The following HEXB variants were observed in gnomAD, a reference collection of about 807,000 sequenced individuals.
HEXB encodes the protein beta-hexosaminidase subunit beta.
HEXB carries 51 observed loss-of-function variants against 71.2 expected under a neutral mutation model. The observed-to-expected ratio is 0.72, with a 90% CI of 0.57 to 0.90. The LOEUF (loss-of-function observed/expected upper bound fraction) is 0.90. Ranked by LOEUF, HEXB falls within the 40% of genes least tolerant of loss-of-function variation. The pLI is 0.00. For missense variants in HEXB, 617 were observed against 677.0 expected (o/e 0.91, Z 0.98); for synonymous variants, 266 against 249.3 (o/e 1.07, Z -0.63).
intron 6 of HEXB, among the ~76,000 whole-genome samples, chr5:74,712,425 TATG>T (rs1221650347): frequency 1.4e-5 from 2 of 140,472 alleles, no homozygotes; most frequent in Non-Finnish European, 3.0e-5. Context: ...AAACTTAAAG[TATG>T]ATAATAATAA....
intron 6 of HEXB, among the ~76,000 whole-genome samples, chr5:74,712,215 G>A (rs946853489): frequency 2.0e-5 from 3 of 149,052 alleles, no homozygotes; most frequent in African/African-American, 7.5e-5. Context: ...CTCACTCATA[G>A]GTGGGAATTG....
intron 1 of HEXB, among the ~76,000 whole-genome samples, chr5:74,685,989 C>T (rs971702553): frequency 6.6e-6 from 1 of 152,066 alleles, no homozygotes; most frequent in Non-Finnish European, 1.5e-5. Context: ...AGGCCAGTTT[C>T]GCCCCCTCAC....
chr5:74,648,849 G>T (rs1748049636), intron 1 of HEXB, among the ~76,000 whole-genome samples: 1 of 152,106 alleles, frequency 6.6e-6, no homozygotes, highest in Non-Finnish European at 1.5e-5. Flanking sequence ...TTGTTTGTGT[G>T]TTTCTTGTGC....
chr5:74,665,240 A>G (rs1359229026), intron 1 of HEXB, among the ~76,000 whole-genome samples: 1 of 152,380 alleles, frequency 6.6e-6, no homozygotes, highest in East Asian at 1.9e-4. Context: ...ACAAAGCAAT[A>G]TAGGAAGCAT....
chr5:74,667,136 C>T (rs914314209), intron 1 of HEXB, among the ~76,000 whole-genome samples: 5 of 152,050 alleles, frequency 3.3e-5, no homozygotes, highest in East Asian at 1.9e-4. Flanking sequence ...AATTATTGGC[C>T]GGGCACAGTG....
intron 1 of HEXB, among the ~76,000 whole-genome samples, chr5:74,664,732 A>C (rs927031535): frequency 2.6e-5 from 4 of 152,202 alleles, no homozygotes; most frequent in African/African-American, 9.7e-5. Flanking sequence ...AGAGAGGGAA[A>C]AAAATCTGGC....
chr5:74,671,176 C>G (rs578134276), intron 1 of HEXB, among the ~76,000 whole-genome samples: 3 of 152,240 alleles, frequency 2.0e-5, no homozygotes, highest in Admixed American at 2.0e-4. Flanking sequence ...GTACTGGCAA[C>G]AAAGTGTTCC....
At chr5:74,645,780 G>A (rs1747991157) in intron 1 of HEXB, among the ~76,000 whole-genome samples, 1 of 152,134 alleles carries the variant, frequency 6.6e-6, no homozygotes, top group Non-Finnish European at 1.5e-5. Flanking sequence ...GCCTATTGTA[G>A]GTTATAGATT....
chr5:74,667,603 G>A (rs1160048867), intron 1 of HEXB, among the ~76,000 whole-genome samples: 1 of 152,200 alleles, frequency 6.6e-6, no homozygotes. Flanking sequence ...AGTGGGAGAA[G>A]ACAGGGTCAA....
intron 3 of HEXB, among the ~76,000 whole-genome samples, chr5:74,695,299 G>T (rs1405281662): frequency 3.4e-5 from 5 of 149,028 alleles, no homozygotes; most frequent in African/African-American, 1.2e-4. Flanking sequence ...CGCCTCATGG[G>T]TTCATGCCAT....
At chr5:74,657,567 C>T (rs1258612078) in intron 1 of HEXB, among the ~76,000 whole-genome samples, 2 of 152,218 alleles carry the variant, frequency 1.3e-5, no homozygotes, top group Non-Finnish European at 2.9e-5. Context: ...GCAAGCTCCA[C>T]ATGGGGAAGA....
chr5:74,684,166 C>A (rs149327992), upstream of HEXB, among the ~76,000 whole-genome samples: 254 of 152,290 alleles, frequency 1.7e-3, 2 homozygotes, highest in African/African-American at 6.0e-3. Context: ...CTTCCACCCT[C>A]ATTTTCAGAA....
chr5:74,719,954 A>AAC (rs1554037039), intron 11 of HEXB: 46 of 158,462 alleles, frequency 2.9e-4, no homozygotes, highest in East Asian at 8.2e-4. Context: ...AAAAAAAAAA[A>AAC]ACACACACAT....
chr5:74,712,638 A>G (rs1368554733), intron 6 of HEXB, among the ~76,000 whole-genome samples: 1 of 152,200 alleles, frequency 6.6e-6, no homozygotes, highest in Non-Finnish European at 1.5e-5. Context: ...TTGTTGTTGA[A>G]GAAACTGAGT....
At position 74,714,934 on chromosome 5, in the gene HEXB, C is replaced by T. The variant is rs16872213; in HGVS notation, c.902-576C>T. ...GATGGGAACCACACTTTGGGAAAACCTTTGGGAAAGTGACAGATTGGAGTT... is the reference window on the plus strand; with the variant it reads ...GATGGGAACCACACTTTGGGAAAACTTTTGGGAAAGTGACAGATTGGAGTT... On this transcript the variant is annotated intron_variant, in intron 7 of 13. Transcript: ENST00000261416. Among the ~76,000 whole-genome samples the T allele has an allele frequency of 6.0e-3, 907 of 152,106 alleles. 10 individuals are homozygous for T. The highest frequency in any genetic ancestry group is 0.021 in the African/African-American group (874 of 41,464).
chr5:74,697,822 A>C (rs1273690179), intron 5 of HEXB, among the ~76,000 whole-genome samples: 1 of 151,608 alleles, frequency 6.6e-6, no homozygotes, highest in South Asian at 2.1e-4. Flanking sequence ...TTTTTTTGTA[A>C]GTGGCATTAG....
At chr5:74,659,643 G>T (rs974557961) in intron 1 of HEXB, among the ~76,000 whole-genome samples, 1 of 152,156 alleles carries the variant, frequency 6.6e-6, no homozygotes, top group Non-Finnish European at 1.5e-5. Context: ...AAGCGTGAGA[G>T]CTGGAGAATA....
intron 10 of HEXB, 51 bp from the exon 11 acceptor site, chr5:74,718,746 A>G: frequency 1.3e-6 from 2 of 1,544,996 alleles, no homozygotes; most frequent in South Asian, 2.2e-5. Context: ...TTTCAATTTC[A>G]TCTACTGTTC....
chr5:74,684,674 C>CTTTTTTTTTT (rs1191674612), upstream of HEXB, among the ~76,000 whole-genome samples: 2 of 133,900 alleles, frequency 1.5e-5, no homozygotes, highest in African/African-American at 3.0e-5. Flanking sequence ...TTTTTCTTTT[C>CTTTTTTTTTT]TTTTTTTTTT....
Sources: gnomAD v4.1 joint callset for allele counts (sites outside exome capture counted in the v4.1 genomes callset) on GRCh38, gnomAD v4.1.1 for gene constraint, MANE v1.5 for transcripts, NCBI Gene and HGNC (gene_info 2026-07-23, HGNC 2026-07-21) for gene names.